The following UBA6 variants were observed in gnomAD, a reference collection of about 807,000 sequenced individuals.
The protein encoded by UBA6 is ubiquitin-like modifier-activating enzyme 6.
In UBA6, 87 loss-of-function variants were observed where a neutral mutation model predicts 148.3. That is an observed-to-expected ratio of 0.59 (90% CI 0.49 to 0.70). UBA6 has a LOEUF of 0.70. Ranked by LOEUF, UBA6 falls within the 30% of genes least tolerant of loss-of-function variation. The pLI is 0.00. For synonymous variants in UBA6, 376 were observed against 401.0 expected, an observed-to-expected ratio of 0.94 and a Z score of 0.75; for missense variants, 1,186 against 1,241.2, an observed-to-expected ratio of 0.96 and a Z score of 0.67.
intron 19 of UBA6, among the ~76,000 whole-genome samples, chr4:67,637,223 TG>T (rs1200735216): frequency 7.2e-6 from 1 of 138,454 alleles, no homozygotes; most frequent in East Asian, 2.2e-4. Context: ...GGGAGGGAGG[TG>T]GGGGGCAGCA....
Position 67,616,871 on chromosome 4 carries a change from C to T in UBA6, c.*2126G>A, listed in dbSNP as rs1240175327. On this transcript the variant is annotated 3_prime_UTR_variant, in exon 33 of 33. Transcript: ENST00000322244. ...CATTGAAACTGTACAAAAATCAAAT[C>T]ATTAATTTTTGCACCTGGTATTTCA... 1.3e-5 allele frequency: 2 copies of T among 152,004 alleles called. No homozygotes were observed. Among genetic ancestry groups the T allele is most frequent in the African/African-American group, 2.4e-5 (1 of 41,422 alleles). The allele number at this position is 152,004 out of a possible 1,614,324, so 9.4% of individuals were successfully genotyped here.
In UBA6 at chr4:67,635,577, A is replaced by G; in HGVS notation, c.1737-19T>C. 1 of 1,516,786 alleles carries G rather than the reference A, an allele frequency of 6.6e-7. No homozygotes were observed. The highest frequency in any genetic ancestry group is 9.1e-7 in the Non-Finnish European group (1 of 1,093,744). The allele number at this position is 1,516,786 out of a possible 1,614,324, so 94.0% of individuals were successfully genotyped here. ...GCAACGACTATTTGAAAAGACAGCA[A>G]GTAAAAAACAAAAAAGTGAGCAATA... On this transcript the variant is annotated intron_variant, in intron 19 of 32. Transcript: ENST00000322244.
intron 1 of UBA6, among the ~76,000 whole-genome samples, chr4:67,697,821 C>T (rs1044487404): frequency 3.9e-5 from 6 of 152,210 alleles, no homozygotes; most frequent in Non-Finnish European, 7.3e-5. Context: ...TCCAGTATTG[C>T]CCTTCCCCTT....
intron 6 of UBA6, among the ~76,000 whole-genome samples, chr4:67,677,103 T>C (rs574691995): frequency 4.6e-5 from 7 of 152,304 alleles, no homozygotes; most frequent in African/African-American, 7.2e-5. Context: ...CTTGATAACA[T>C]TGACTTGCTT....
rs1455134392 is a variant in UBA6, at chr4:67,616,078, AAAAC to A, written c.*2915_*2918del. 3 of 394,916 alleles carry A rather than the reference AAAAC, an allele frequency of 7.6e-6. No homozygotes were observed. Among genetic ancestry groups the A allele is most frequent in the African/African-American group, 2.1e-5 (1 of 48,498 alleles). The allele number at this position is 394,916 out of a possible 1,614,324, so 24.5% of individuals were successfully genotyped here. ...TGAAAAATATATATTTCTCAATAAA[AAAAC>A]AAAGTTATGACATAGAGCAAAATGA... On this transcript the variant is annotated 3_prime_UTR_variant, in exon 33 of 33. Transcript: ENST00000322244.
chr4:67,656,846 A>G (rs891153665), intron 13 of UBA6, among the ~76,000 whole-genome samples: 9 of 152,214 alleles, frequency 5.9e-5, no homozygotes, highest in African/African-American at 1.4e-4. Flanking sequence ...CAGGATACAA[A>G]ATCAATGTGC....
intron 9 of UBA6, among the ~76,000 whole-genome samples, 154 bp from the exon 10 acceptor site, chr4:67,665,446 T>A (rs865822714): frequency 1.3e-5 from 2 of 149,248 alleles, no homozygotes; most frequent in Non-Finnish European, 3.0e-5. Flanking sequence ...TTTTTTTTTT[T>A]AATGAAGAGC....
At chr4:67,630,080 ATAAC>A (rs200279318) in intron 26 of UBA6, among the ~76,000 whole-genome samples, 3,619 of 152,268 alleles carry the variant, frequency 0.024, 77 homozygotes, top group Middle Eastern at 0.037. Flanking sequence ...TTATCACAAA[ATAAC>A]AAACAAATGT....
chr4:67,673,752 A>T lies in UBA6; in HGVS notation c.491T>A (p.Leu164His). 6.2e-7 allele frequency: 1 copy of T among 1,611,950 alleles called. No homozygotes were observed. The highest frequency in any genetic ancestry group is 8.5e-7 in the Non-Finnish European group (1 of 1,178,552). ...YQCVVLTEMK[L>H]PLQKKINDFC... ...GTCATTGATCTTCTTCTGCAATGGA[A>T]GTTTCATCTCAGTCAATACTACACA... Residue 164 changes from leucine to histidine, a missense_variant, in exon 7 of 33, where the codon CTT (leucine) becomes CAT (histidine). By Grantham distance (99) the Leu-to-His change is moderately conservative. Coordinates refer to ENST00000322244, the MANE Select transcript of UBA6 (RefSeq NM_018227.6).
intron 27 of UBA6, among the ~76,000 whole-genome samples, chr4:67,628,648 T>G (rs895003546): frequency 2.6e-5 from 4 of 151,940 alleles, no homozygotes; most frequent in Non-Finnish European, 5.9e-5. Context: ...TGGTCCAATG[T>G]ATTTTATACA....
chr4:67,634,540 C>G, intron 20 of UBA6, 22 bp from the exon 21 acceptor site: 1 of 1,524,994 alleles, frequency 6.6e-7, no homozygotes, highest in Non-Finnish European at 8.8e-7. Context: ...AATATGACAA[C>G]AGGTACTTAA....
chr4:67,647,287 G>C (rs1326920556), intron 14 of UBA6, among the ~76,000 whole-genome samples: 1 of 152,092 alleles, frequency 6.6e-6, no homozygotes, highest in Non-Finnish European at 1.5e-5. Context: ...AGGACTATAA[G>C]TGCGTGCCAC....
chr4:67,698,437 T>C (rs1730891661), intron 1 of UBA6, among the ~76,000 whole-genome samples: 1 of 152,240 alleles, frequency 6.6e-6, no homozygotes, highest in Non-Finnish European at 1.5e-5. Context: ...GATGTACTTA[T>C]TCAGTTAACC....
chr4:67,662,112 A>G (rs772459133), intron 13 of UBA6, 77 bp downstream of exon 13: 9 of 1,396,436 alleles, frequency 6.4e-6, no homozygotes, highest in Non-Finnish European at 9.1e-6. Context: ...GATGTGAAGG[A>G]TAAGAGAATA....
At chr4:67,643,401 C>T (rs983261406) in intron 17 of UBA6, among the ~76,000 whole-genome samples, 2 of 151,890 alleles carry the variant, frequency 1.3e-5, no homozygotes, top group Admixed American at 6.6e-5. Flanking sequence ...TTATTATCAT[C>T]ATGATGCAGT....
rs142985596 is a variant in UBA6 at position 67,696,683 on chromosome 4, C to T, written c.96G>A (p.Met32Ile). The change falls in exon 2 of 33, where the codon ATG becomes ATA. Residue 32 changes from methionine (M) to isoleucine (I), a missense_variant. Physicochemically the swap from Met to Ile is conservative, Grantham distance 10. Coordinates refer to ENST00000322244, the MANE Select transcript of UBA6 (RefSeq NM_018227.6). The stretch of plus-strand genomic sequence containing the variant: ...CATCGATTTCCACAGATGCTGTTGA[C>T]ATAATGGGCAAATTTTTATTTGTGC... Reference protein sequence around the residue: ...TGSTNKNLPIMSTASVEIDDA... With the variant: ...TGSTNKNLPIISTASVEIDDA... 5.0e-4 allele frequency: 807 copies of T among 1,605,220 alleles called. 1 individual carries two copies. The highest frequency in any genetic ancestry group is 6.4e-4 in the Non-Finnish European group (757 of 1,175,526).
rs376746151 is a variant in UBA6, at chr4:67,655,907, GC to G, written c.1104+6281del. Among the ~76,000 whole-genome samples the G allele has an allele frequency of 4.1e-4, 63 of 152,136 alleles. No individual in the cohort carries two copies. The South Asian group carries it at 8.3e-3, about 20-fold the overall frequency. ...AAACTACCATCAGAGAATACTATAA[GC>G]CCCTCTATGCAAATAAACTAGAAAA... is the stretch of plus-strand genomic sequence containing the variant. On this transcript the variant is annotated intron_variant, in intron 13 of 32. Coordinates refer to ENST00000322244, the MANE Select transcript of UBA6 (RefSeq NM_018227.6).
intron 2 of UBA6, among the ~76,000 whole-genome samples, chr4:67,693,543 A>T (rs1221105728): frequency 6.6e-6 from 1 of 152,182 alleles, no homozygotes; most frequent in African/African-American, 2.4e-5. Context: ...TCAAGTGTCA[A>T]CTATACTATA....
At chr4:67,683,519 C>T (rs930207083) in intron 2 of UBA6, among the ~76,000 whole-genome samples, 4 of 151,990 alleles carry the variant, frequency 2.6e-5, no homozygotes, top group East Asian at 1.9e-4. Flanking sequence ...GCTTTGAATG[C>T]GGCCCAATAC....
Sources: allele counts gnomAD v4.1 joint callset (sites outside exome capture counted in the v4.1 genomes callset), GRCh38; gene constraint gnomAD v4.1.1; transcripts MANE v1.5; gene names NCBI Gene and HGNC (gene_info 2026-07-23, HGNC 2026-07-21).